Variants in SLC25A40 observed in about 807,000 individuals in gnomAD.
SLC25A40 encodes mitochondrial glutathione transporter SLC25A40.
SLC25A40 carries 41 observed loss-of-function variants against 46.5 expected under a neutral mutation model. The observed-to-expected ratio is 0.88, with a 90% CI of 0.69 to 1.14. The LOEUF (loss-of-function observed/expected upper bound fraction) is 1.14, where lower values mean the gene tolerates loss of function less well. SLC25A40 is among the 50% of genes most tolerant of loss of function. The pLI, the probability that SLC25A40 is intolerant of heterozygous loss-of-function variation, is 0.00. For synonymous variants in SLC25A40, 126 were observed against 127.5 expected (o/e 0.99, Z 0.08); for missense variants, 386 against 393.6 (o/e 0.98, Z 0.16).
intron 3 of SLC25A40, among the ~76,000 whole-genome samples, chr7:87,857,123 G>A (rs1448401136): frequency 1.3e-5 from 2 of 152,116 alleles, no homozygotes; most frequent in African/African-American, 4.8e-5. Context: ...ACATCTACAA[G>A]AAGCTGACTG....
At chr7:87,866,822 C>T (rs1251162549) in intron 1 of SLC25A40, among the ~76,000 whole-genome samples, 1 of 152,242 alleles carries the variant, frequency 6.6e-6, no homozygotes, top group Non-Finnish European at 1.5e-5. Flanking sequence ...GAAACCACCA[C>T]TGCTACTCAC....
At chr7:87,866,085 A>G (rs74715820) in intron 1 of SLC25A40, among the ~76,000 whole-genome samples, 2 of 121,218 alleles carry the variant, frequency 1.6e-5, no homozygotes, top group African/African-American at 3.3e-5. Context: ...CCTCTCTAGG[A>G]AAAAAAAAAA....
Position 87,836,259 on chromosome 7 carries a change from T to C in SLC25A40, c.1007A>G (p.Gln336Arg), listed in dbSNP as rs1838256811. 6.3e-7 allele frequency: 1 copy of C among 1,584,666 alleles called. No homozygotes were observed. The highest frequency in any genetic ancestry group is 8.6e-7 in the Non-Finnish European group (1 of 1,167,756). The change falls in exon 12 of 12, where the codon CAG (glutamine) becomes CGG (arginine). Residue 336 changes from glutamine to arginine, a missense_variant. Coordinates refer to ENST00000341119, the MANE Select transcript of SLC25A40 (RefSeq NM_018843.4). ...AFFQKQNVRRQQY is the reference protein window; with the variant it reads ...AFFQKQNVRRRQY Reference sequence around the variant, plus strand: ...GTTGAAACAGCATCACTAGTATTGCTGCCTTCGAACATTTTGTTTCTGGAA... The same window carrying C: ...GTTGAAACAGCATCACTAGTATTGCCGCCTTCGAACATTTTGTTTCTGGAA...
In SLC25A40 at chr7:87,834,302, C is replaced by T. The variant is rs1388343663; in HGVS notation, c.*1947G>A. 4.0e-5 allele frequency: 6 copies of T among 151,758 alleles called. No homozygotes were observed. The highest frequency in any genetic ancestry group is 4.0e-4 in the Admixed American group (6 of 15,182). 9.4% of individuals were successfully genotyped at this position (151,758 alleles called of 1,614,324 possible). A position where few individuals can be genotyped will look rare whatever the true frequency, so the allele number is the denominator to read the frequency against. ...TAAAATTTTAAAATTTTACCTATTCCATAGACTGAATTTTTCTAGGTACTA... is the reference window on the plus strand; with the variant it reads ...TAAAATTTTAAAATTTTACCTATTCTATAGACTGAATTTTTCTAGGTACTA... On this transcript the variant is annotated 3_prime_UTR_variant, in exon 12 of 12. Transcript: ENST00000341119.
intron 1 of SLC25A40, among the ~76,000 whole-genome samples, chr7:87,862,070 AATCTG>A (rs1426617248): frequency 6.6e-6 from 1 of 152,128 alleles, no homozygotes; most frequent in Non-Finnish European, 1.5e-5. Flanking sequence ...ACAGGTAGAA[AATCTG>A]AGAAGTGATT....
chr7:87,858,149 C>A (rs542693526), intron 3 of SLC25A40, among the ~76,000 whole-genome samples: 29 of 152,304 alleles, frequency 1.9e-4, no homozygotes, highest in Middle Eastern at 3.4e-3. Context: ...TGCTCTCAAA[C>A]CCTCTTTTCT....
Position 87,845,725 on chromosome 7 carries a change from T to A in SLC25A40, c.631+1224A>T, listed in dbSNP as rs542320883. Among the ~76,000 whole-genome samples, 11 of 152,228 alleles carry A rather than the reference T, an allele frequency of 7.2e-5. No homozygotes were observed. In the South Asian group the frequency reaches 2.3e-3, roughly 32 times the overall value. On this transcript the variant is annotated intron_variant, in intron 8 of 11. Transcript: ENST00000341119. ...ATTTCAGTCCAAAACCCCAAATCAA[T>A]TATGAATAAATGAATGCCAATGAAA... is the stretch of plus-strand genomic sequence containing the variant.
intron 8 of SLC25A40, among the ~76,000 whole-genome samples, chr7:87,844,305 T>C (rs1838380471): frequency 6.6e-6 from 1 of 152,154 alleles, no homozygotes; most frequent in Non-Finnish European, 1.5e-5. Flanking sequence ...TATTACCATG[T>C]TAACAAAACC....
rs1838223402 is a variant in SLC25A40 at position 87,833,806 on chromosome 7, G to A, written c.*2443C>T. 2.6e-5 allele frequency: 4 copies of A among 151,446 alleles called. No individual in the cohort carries two copies. The highest frequency in any genetic ancestry group is 9.7e-5 in the African/African-American group (4 of 41,228). The allele number at this position is 151,446 out of a possible 1,614,324, so 9.4% of individuals were successfully genotyped here. A position where few individuals can be genotyped will look rare whatever the true frequency, so the allele number is the denominator to read the frequency against. ...CTAGTACCCATTAGTTATTTTTCCT[G>A]TTCCTCTCCCTCCTCCCACCCTCCA... On this transcript the variant is annotated 3_prime_UTR_variant, in exon 12 of 12. Transcript: ENST00000341119.
chr7:87,873,514 C>A (rs1003629059), intron 1 of SLC25A40, among the ~76,000 whole-genome samples: 5 of 148,996 alleles, frequency 3.4e-5, no homozygotes, highest in Admixed American at 1.4e-4. Flanking sequence ...CTCACTGCAA[C>A]CTCCGCCTTC....
Position 87,835,414 on chromosome 7 carries a change from T to A in SLC25A40, c.*835A>T, listed in dbSNP as rs1220450115. 6.6e-6 allele frequency: 1 copy of A among 151,646 alleles called. No homozygotes were observed. The highest frequency in any genetic ancestry group is 1.5e-5 in the Non-Finnish European group (1 of 67,720). 9.4% of individuals were successfully genotyped at this position (151,646 alleles called of 1,614,324 possible). A position where few individuals can be genotyped will look rare whatever the true frequency, so the allele number is the denominator to read the frequency against. On this transcript the variant is annotated 3_prime_UTR_variant, in exon 12 of 12. Coordinates refer to ENST00000341119, the MANE Select transcript of SLC25A40 (RefSeq NM_018843.4). ...TAGAGAATTCCATGAACAATGATAC[T>A]TGGATTACAAGAGAGCTAAAAATCA...
chr7:87,854,833 T>C (rs990972009), intron 4 of SLC25A40, among the ~76,000 whole-genome samples: 2 of 128,886 alleles, frequency 1.6e-5, no homozygotes, highest in Non-Finnish European at 3.3e-5. Flanking sequence ...AAAAAAAAAG[T>C]AACTGTAAAT....
At chr7:87,865,262 T>C (rs1838773872) in intron 1 of SLC25A40, among the ~76,000 whole-genome samples, 1 of 152,182 alleles carries the variant, frequency 6.6e-6, no homozygotes, top group Non-Finnish European at 1.5e-5. Flanking sequence ...AAACTTATTT[T>C]AGATAACAAA....
intron 8 of SLC25A40, among the ~76,000 whole-genome samples, chr7:87,846,654 T>C (rs991373845): frequency 2.0e-5 from 3 of 152,170 alleles, no homozygotes; most frequent in Non-Finnish European, 4.4e-5. Context: ...TAGAATAATA[T>C]TAAATGACTT....
At chr7:87,867,884 A>G (rs977202232) in intron 1 of SLC25A40, among the ~76,000 whole-genome samples, 9 of 152,226 alleles carry the variant, frequency 5.9e-5, no homozygotes, top group African/African-American at 1.7e-4. Context: ...GGGAAATCAC[A>G]GAGAATGTAT....
In SLC25A40 at chr7:87,836,206, T is replaced by C; in HGVS notation, c.*43A>G. The C allele has an allele frequency of 8.2e-7, 1 of 1,216,232 alleles. No homozygotes were observed. Among genetic ancestry groups the C allele is most frequent in the Non-Finnish European group, 1.2e-6 (1 of 850,132 alleles). The allele number at this position is 1,216,232 out of a possible 1,614,324, so 75.3% of individuals were successfully genotyped here. On this transcript the variant is annotated 3_prime_UTR_variant, in exon 12 of 12. Transcript: ENST00000341119. ...AAACATTCTTGCCTAAGAGTCTCCA[T>C]CTTCTTTGGCTATAGTTGTTGTTTC...
chr7:87,868,397 T>G (rs1443207114), intron 1 of SLC25A40, among the ~76,000 whole-genome samples: 1 of 152,152 alleles, frequency 6.6e-6, no homozygotes, highest in Non-Finnish European at 1.5e-5. Flanking sequence ...CCTGCCACCT[T>G]GATATCCTTC....
At chr7:87,874,983 T>C (rs1415959266) in intron 1 of SLC25A40, among the ~76,000 whole-genome samples, 1 of 152,238 alleles carries the variant, frequency 6.6e-6, no homozygotes, top group Non-Finnish European at 1.5e-5. Flanking sequence ...TTTAAATCTT[T>C]CTGTAAATAT....
chr7:87,848,845 T>C (rs528248567), intron 6 of SLC25A40, among the ~76,000 whole-genome samples: 1 of 152,306 alleles, frequency 6.6e-6, no homozygotes, highest in Admixed American at 6.5e-5. Flanking sequence ...ATGGTGGACT[T>C]TGCTGCTGAG....
Sources: allele counts gnomAD v4.1 joint callset (sites outside exome capture counted in the v4.1 genomes callset), GRCh38; gene constraint gnomAD v4.1.1; transcripts MANE v1.5; gene names NCBI Gene and HGNC (gene_info 2026-07-23, HGNC 2026-07-21).